IL1RAPL2: variants seen among roughly 807,000 people sequenced by gnomAD.
IL1RAPL2 encodes X-linked interleukin-1 receptor accessory protein-like 2.
Under a neutral mutation model 44.1 loss-of-function variants are expected in IL1RAPL2, and 3 were observed. That is an observed-to-expected ratio of 0.07 (90% CI 0.03 to 0.18). The LOEUF (loss-of-function observed/expected upper bound fraction) is 0.18. Among genes scored for constraint, IL1RAPL2 ranks in the 10% least tolerant of loss-of-function variants. The pLI, the probability that IL1RAPL2 is intolerant of heterozygous loss-of-function variation, is 1.00. For synonymous variants in IL1RAPL2, 181 were observed against 178.8 expected, an observed-to-expected ratio of 1.01 and a Z score of -0.10; for missense variants, 391 against 496.4, an observed-to-expected ratio of 0.79 and a Z score of 2.02.
chrX:105,639,058 G>A (rs1239239216), intron 6 of IL1RAPL2, among the ~76,000 whole-genome samples: 2 of 111,460 alleles, frequency 1.8e-5, no homozygotes, highest in Admixed American at 9.5e-5. Flanking sequence ...TCTATTAGGG[G>A]AGCCTTAATT....
chrX:105,141,630 C>T (rs2033126468), intron 2 of IL1RAPL2, among the ~76,000 whole-genome samples: 1 of 111,919 alleles, frequency 8.9e-6, no homozygotes, highest in Non-Finnish European at 1.9e-5. Flanking sequence ...CAGTTTTCCT[C>T]TAAAAGTGGT....
At chrX:104,628,057 T>C (rs193066642) in intron 1 of IL1RAPL2, among the ~76,000 whole-genome samples, 1 of 111,801 alleles carries the variant, frequency 8.9e-6, no homozygotes, top group African/African-American at 3.2e-5. Context: ...TTATTTACTT[T>C]TCATGATACA....
intron 5 of IL1RAPL2, among the ~76,000 whole-genome samples, chrX:105,289,867 C>G (rs1344470967): frequency 9.0e-6 from 1 of 111,483 alleles, no homozygotes; most frequent in Non-Finnish European, 1.9e-5. Flanking sequence ...TAGGTTCAAG[C>G]TCTGAGCTGT....
chrX:105,216,817 A>T (rs948618154), intron 3 of IL1RAPL2, among the ~76,000 whole-genome samples: 7 of 111,975 alleles, frequency 6.3e-5, no homozygotes, highest in Non-Finnish European at 1.1e-4. Flanking sequence ...CAACCATCTG[A>T]TCTTCGACAA....
intron 5 of IL1RAPL2, among the ~76,000 whole-genome samples, chrX:105,355,022 T>G (rs1176040996): frequency 9.0e-6 from 1 of 111,562 alleles, no homozygotes. Flanking sequence ...CATCTTTAGC[T>G]CCCCAATTTA....
At chrX:105,628,501 T>C (rs774789971) in intron 6 of IL1RAPL2, among the ~76,000 whole-genome samples, 2 of 112,692 alleles carry the variant, frequency 1.8e-5, no homozygotes, top group African/African-American at 6.4e-5. Context: ...ACTAAAGATT[T>C]TGTTTAACTC....
intron 2 of IL1RAPL2, among the ~76,000 whole-genome samples, chrX:105,153,144 G>A (rs2033241873): frequency 8.9e-6 from 1 of 111,793 alleles, no homozygotes; most frequent in African/African-American, 3.3e-5. Context: ...ATACCAGATT[G>A]ACTTTGAATA....
chrX:104,913,995 G>A (rs1320129525), intron 2 of IL1RAPL2, among the ~76,000 whole-genome samples: 1 of 111,663 alleles, frequency 9.0e-6, no homozygotes, highest in Non-Finnish European at 1.9e-5. Context: ...GCAGGTAAAT[G>A]AAAATATTAT....
chrX:104,778,345 G>A (rs1005184631), intron 2 of IL1RAPL2, among the ~76,000 whole-genome samples: 3 of 110,626 alleles, frequency 2.7e-5, no homozygotes, highest in African/African-American at 9.8e-5. Context: ...GCTTCCCATC[G>A]AGCAGATCTC....
chrX:104,651,357 T>C (rs976881913), intron 1 of IL1RAPL2, among the ~76,000 whole-genome samples: 2 of 111,995 alleles, frequency 1.8e-5, no homozygotes, highest in African/African-American at 6.5e-5. Flanking sequence ...TCAGTTATTT[T>C]CCACATAAAA....
intron 2 of IL1RAPL2, among the ~76,000 whole-genome samples, chrX:105,088,705 A>T (rs757966875): frequency 1.8e-5 from 2 of 111,863 alleles, no homozygotes; most frequent in Admixed American, 1.9e-4. Context: ...CTAAATGTGT[A>T]TGCTTAAATA....
At chrX:104,585,211 CACATATATGTATATATGTGTAT>C (rs1928485659) in intron 1 of IL1RAPL2, among the ~76,000 whole-genome samples, 1 of 53,188 alleles carries the variant, frequency 1.9e-5, no homozygotes, top group Non-Finnish European at 3.0e-5. Context: ...ATTATATATA[CACATATATGTATATATGTGTAT>C]ATATATAATA....
chrX:105,128,656 C>T (rs144231676), intron 2 of IL1RAPL2, among the ~76,000 whole-genome samples: 14 of 110,915 alleles, frequency 1.3e-4, no homozygotes, highest in African/African-American at 3.3e-4. Context: ...ATTGACCCAC[C>T]GTGTTCTTTC....
At chrX:105,187,093 T>A (rs1043007925) in intron 2 of IL1RAPL2, among the ~76,000 whole-genome samples, 1 of 111,968 alleles carries the variant, frequency 8.9e-6, no homozygotes. Context: ...TATCTGGTTC[T>A]TTAGACTCAG....
At chrX:105,573,187 T>C (rs1409789090) in intron 6 of IL1RAPL2, among the ~76,000 whole-genome samples, 1 of 110,951 alleles carries the variant, frequency 9.0e-6, no homozygotes, top group Non-Finnish European at 1.9e-5. Context: ...GTCTCATGAG[T>C]AGCTGGGACC....
chrX:105,551,646 A>G (rs1842427388), intron 6 of IL1RAPL2, among the ~76,000 whole-genome samples: 1 of 112,154 alleles, frequency 8.9e-6, no homozygotes, highest in South Asian at 3.7e-4. Context: ...CCTATAAAGT[A>G]TATAAAGCTG....
chrX:104,752,758 A>G (rs1462845790), intron 2 of IL1RAPL2, among the ~76,000 whole-genome samples: 1 of 110,645 alleles, frequency 9.0e-6, no homozygotes, highest in African/African-American at 3.3e-5. Flanking sequence ...CACCTTCGTT[A>G]TCTGCAGCTT....
intron 6 of IL1RAPL2, among the ~76,000 whole-genome samples, chrX:105,513,012 T>C (rs1167608811): frequency 9.0e-6 from 1 of 110,887 alleles, no homozygotes; most frequent in Non-Finnish European, 1.9e-5. Flanking sequence ...AGTGAGATCA[T>C]GCAGCATTTG....
chrX:104,897,942 C>T (rs1344459303), intron 2 of IL1RAPL2, among the ~76,000 whole-genome samples: 4 of 111,620 alleles, frequency 3.6e-5, no homozygotes, highest in African/African-American at 6.5e-5. Flanking sequence ...GTTACTTTAC[C>T]CTCTCTCATT....
Sources: gnomAD v4.1 joint callset for allele counts (sites outside exome capture counted in the v4.1 genomes callset) on GRCh38, gnomAD v4.1.1 for gene constraint, MANE v1.5 for transcripts, NCBI Gene and HGNC (gene_info 2026-07-23, HGNC 2026-07-21) for gene names.